The following IARS1 variants were observed in gnomAD, a reference collection of about 807,000 sequenced individuals.
IARS1 encodes isoleucine--tRNA ligase, cytoplasmic.
A neutral mutation model predicts 168.2 loss-of-function variants in IARS1; 124 were observed. The observed-to-expected ratio is 0.74, with a 90% CI of 0.64 to 0.86. The LOEUF is 0.86. Ranked by LOEUF, IARS1 falls within the 40% of genes least tolerant of loss-of-function variation. The pLI is 0.00. For synonymous variants in IARS1, 532 were observed against 529.4 expected (o/e 1.00, Z -0.07); for missense variants, 1,452 against 1,515.8 (o/e 0.96, Z 0.70).
In IARS1 at chr9:92,250,730, G is replaced by A; in HGVS notation, c.2412C>T (p.Leu804=). The A allele has an allele frequency of 6.2e-7, 1 of 1,611,710 alleles. No individual in the cohort carries two copies. The highest frequency in any genetic ancestry group is 1.3e-5 in the African/African-American group (1 of 74,936). The change falls in exon 23 of 34, where the codon CTC becomes CTT. Residue 804 remains leucine, a synonymous_variant. Transcript: ENST00000443024. The part of the protein sequence containing the change: ...QDKDTLSIHY[L]MLPRVREELI... ...AGTCCTACCGAACACGGGGCAGCAT[G>A]AGGTAGTGAATGCTGAGTGTGTCCT... is the stretch of plus-strand genomic sequence containing the variant.
chr9:92,247,469 A>AC lies in IARS1; in HGVS notation c.2698dup (p.Val900GlyfsTer11). On this transcript the variant is annotated frameshift_variant, in exon 26 of 34. Coordinates refer to ENST00000443024, the MANE Select transcript of IARS1 (RefSeq NM_002161.6). LOFTEE classifies it high-confidence loss of function. ...GGCTCCCTTCAGACGCTTCCCCAGG[A>AC]CCATGTGATCTGGTTCTGCCCTTAG... 6.2e-7 allele frequency: 1 copy of AC among 1,614,106 alleles called. No individual in the cohort carries two copies. Among genetic ancestry groups the AC allele is most frequent in the Non-Finnish European group, 8.5e-7 (1 of 1,179,996 alleles).
chr9:92,254,781 G>C (rs1830491686), intron 20 of IARS1, among the ~76,000 whole-genome samples: 1 of 152,184 alleles, frequency 6.6e-6, no homozygotes, highest in South Asian at 2.1e-4. Context: ...CACCCTGTGA[G>C]GCAGGTCCTC....
chr9:92,229,012 T>C lies in IARS1; in HGVS notation c.3398A>G (p.His1133Arg), dbSNP rs770655051. ...GVKNTELAVF[H>R]DETEIQNQTD... is the part of the protein sequence containing the mutation. ...CACTTTCCACATACCTGTTTCATCA[T>C]GGAAGACAGCCAGCTCTGTATTTTT... is the stretch of plus-strand genomic sequence containing the variant. Residue 1133 changes from histidine (H) to arginine (R), a missense_variant, in exon 31 of 34, where the codon CAT (histidine) becomes CGT (arginine). Transcript: ENST00000443024. 5 of 1,614,138 alleles carry C rather than the reference T, an allele frequency of 3.1e-6. No homozygotes were observed. The Admixed American group carries it at 6.7e-5, about 22-fold the overall frequency.
intron 30 of IARS1, among the ~76,000 whole-genome samples, chr9:92,230,783 T>C (rs1430129355): frequency 6.6e-6 from 1 of 152,250 alleles, no homozygotes; most frequent in Non-Finnish European, 1.5e-5. Context: ...GCAATTTTAG[T>C]CATTGTGATA....
At position 92,274,456 on chromosome 9, in the gene IARS1, C is replaced by T; in HGVS notation, c.960G>A (p.Gly320=). ...CGAAGTAAGGAGCTTGGTGGACAACCCCTGTGCCTTCTTCTTCCTTCACAT... is the reference window on the plus strand; with the variant it reads ...CGAAGTAAGGAGCTTGGTGGACAACTCCTGTGCCTTCTTCTTCCTTCACAT... ...DNYVKEEEGT[G]VVHQAPYFGA... The change falls in exon 10 of 34, where the codon GGG becomes GGA. Residue 320 remains glycine, a synonymous_variant. Transcript: ENST00000443024. 1 of 1,613,902 alleles carries T rather than the reference C, an allele frequency of 6.2e-7. No homozygotes were observed. Among genetic ancestry groups the T allele is most frequent in the Non-Finnish European group, 8.5e-7 (1 of 1,179,854 alleles).
intron 30 of IARS1, among the ~76,000 whole-genome samples, chr9:92,231,901 A>G (rs1359044741): frequency 6.6e-6 from 1 of 152,218 alleles, no homozygotes; most frequent in African/African-American, 2.4e-5. Flanking sequence ...AGAATATATA[A>G]TGCAGATATA....
intron 30 of IARS1, among the ~76,000 whole-genome samples, chr9:92,235,513 A>ATTTTTTTT (rs558342421): frequency 8.8e-6 from 1 of 114,204 alleles, no homozygotes; most frequent in African/African-American, 3.6e-5. Flanking sequence ...AATTACATTG[A>ATTTTTTTT]TTTTTTTTTT....
intron 18 of IARS1, among the ~76,000 whole-genome samples, chr9:92,259,388 A>G (rs1361621095): frequency 1.3e-5 from 2 of 152,156 alleles, no homozygotes; most frequent in African/African-American, 4.8e-5. Flanking sequence ...GGGACTCACA[A>G]GGAAGAGCCT....
chr9:92,288,975 G>A (rs896381942), intron 2 of IARS1, among the ~76,000 whole-genome samples: 4 of 152,002 alleles, frequency 2.6e-5, no homozygotes, highest in African/African-American at 4.8e-5. Context: ...TTGAGAGGCC[G>A]AGGTGGGTGG....
intron 30 of IARS1, among the ~76,000 whole-genome samples, chr9:92,237,328 AAG>A (rs1469850587): frequency 2.0e-5 from 3 of 152,116 alleles, no homozygotes; most frequent in East Asian, 1.9e-4. Context: ...GTTTATTTTT[AAG>A]AGTGTGGAGA....
chr9:92,229,766 T>C (rs1000993952), intron 30 of IARS1, among the ~76,000 whole-genome samples: 1 of 152,172 alleles, frequency 6.6e-6, no homozygotes, highest in African/African-American at 2.4e-5. Context: ...AACCAGCATA[T>C]TGACACTGAT....
chr9:92,287,627 T>C, intron 4 of IARS1, 164 bp downstream of exon 4: 1 of 641,832 alleles, frequency 1.6e-6, no homozygotes, highest in Admixed American at 3.6e-5. Flanking sequence ...AGAGAGATGG[T>C]TCAGTTTAAG....
intron 30 of IARS1, among the ~76,000 whole-genome samples, chr9:92,235,925 ATAATT>A (rs1477025258): frequency 3.3e-5 from 5 of 152,290 alleles, no homozygotes; most frequent in Middle Eastern, 3.4e-3. Context: ...ATTCTATTTA[ATAATT>A]TATTGGGAAG....
intron 30 of IARS1, among the ~76,000 whole-genome samples, chr9:92,230,721 T>TA (rs1203192525): frequency 6.6e-6 from 1 of 152,228 alleles, no homozygotes; most frequent in Non-Finnish European, 1.5e-5. Flanking sequence ...CATACCATTC[T>TA]ATATTCTCAC....
chr9:92,274,548 G>C, intron 9 of IARS1, 27 bp from the exon 10 acceptor site: 1 of 1,507,668 alleles, frequency 6.6e-7, no homozygotes, highest in Non-Finnish European at 9.2e-7. Flanking sequence ...GCAGGCTTCA[G>C]GGATGAAACA....
intron 32 of IARS1, among the ~76,000 whole-genome samples, chr9:92,223,006 T>A (rs964628809): frequency 6.6e-6 from 1 of 152,180 alleles, no homozygotes; most frequent in South Asian, 2.1e-4. Context: ...AAAATCACTA[T>A]CAATCTAGTC....
intron 9 of IARS1, among the ~76,000 whole-genome samples, chr9:92,277,431 A>G (rs1299312231): frequency 6.6e-6 from 1 of 152,042 alleles, no homozygotes; most frequent in Admixed American, 6.6e-5. Flanking sequence ...ACAACAAAAA[A>G]TCCCAGCCAG....
chr9:92,250,914 A>T (rs1242346421), intron 22 of IARS1, 80 bp from the exon 23 acceptor site: 2 of 1,449,892 alleles, frequency 1.4e-6, no homozygotes, highest in Non-Finnish European at 1.9e-6. Context: ...AAACAACTAA[A>T]CATGTTAGAG....
chr9:92,250,700 A>G lies in IARS1; in HGVS notation c.2429+13T>C, dbSNP rs370858326. 3.4e-5 allele frequency: 54 copies of G among 1,595,138 alleles called. 1 individual carries two copies. The African/African-American group carries it at 6.0e-4, about 18-fold the overall frequency. ...CTTGGCACAGGTGAGGCTTATTTCT[A>G]TTTGAGTCCTACCGAACACGGGGCA... On this transcript the variant is annotated intron_variant, in intron 23 of 33. Coordinates refer to ENST00000443024, the MANE Select transcript of IARS1 (RefSeq NM_002161.6).
Sources: gnomAD v4.1 joint callset for allele counts (sites outside exome capture counted in the v4.1 genomes callset) on GRCh38, gnomAD v4.1.1 for gene constraint, MANE v1.5 for transcripts, NCBI Gene and HGNC (gene_info 2026-07-23, HGNC 2026-07-21) for gene names.